SMCR8: variants seen among roughly 807,000 people sequenced by gnomAD.
SMCR8 encodes the protein guanine nucleotide exchange protein SMCR8.
A neutral mutation model predicts 56.6 loss-of-function variants in SMCR8; 30 were observed. The observed-to-expected ratio is 0.53, with a 90% CI of 0.40 to 0.72. The LOEUF (loss-of-function observed/expected upper bound fraction) is 0.72. SMCR8 is among the 30% of genes least tolerant of loss of function. The pLI, the probability that SMCR8 is intolerant of heterozygous loss-of-function variation, is 0.00. For synonymous variants in SMCR8, 538 were observed against 456.0 expected (o/e 1.18, Z -2.29); for missense variants, 1,198 against 1,157.0 (o/e 1.04, Z -0.51).
intron 1 of SMCR8, 132 bp from the exon 2 acceptor site, chr17:18,322,477 CAGATTTGT>C: frequency 2.8e-6 from 2 of 707,492 alleles, no homozygotes; most frequent in Non-Finnish European, 4.7e-6. Flanking sequence ...TTACAATGAT[CAGATTTGT>C]CTTCCAGGAA....
At position 18,323,020 on chromosome 17, in the gene SMCR8, C is replaced by A. The variant is rs757058177; in HGVS notation, c.2764C>A (p.His922Asn). 9.9e-6 allele frequency: 16 copies of A among 1,614,172 alleles called. No individual in the cohort carries two copies. The highest frequency in any genetic ancestry group is 1.4e-5 in the Non-Finnish European group (16 of 1,180,026). ...CATGCAGGAATCTCCAGGGACCAGC[C>A]ACCCCATGCTCAGGTTTGACTATGT... ...HYMQESPGTS[H>N]PMLRFDYVPS... Residue 922 changes from histidine to asparagine, a missense_variant, in exon 2 of 2, where the codon CAC (histidine) becomes AAC (asparagine). Transcript: ENST00000406438.
chr17:18,322,578 C>CCCTTGCCCTTCCTCCTGA (rs1241532780), intron 1 of SMCR8, 39 bp from the exon 2 acceptor site: 1 of 1,588,926 alleles, frequency 6.3e-7, no homozygotes, highest in Non-Finnish European at 8.6e-7. Context: ...ACTTTCCCGG[C>CCCTTGCCCTTCCTCCTGA]CCTTGCCCTT....
At chr17:18,319,295 T>A (rs1177771959) in intron 1 of SMCR8, among the ~76,000 whole-genome samples, 1 of 152,150 alleles carries the variant, frequency 6.6e-6, no homozygotes, top group Non-Finnish European at 1.5e-5. Flanking sequence ...GGTCCACGTT[T>A]AGTGCATGTC....
rs34824853 is a variant in SMCR8, at chr17:18,316,428, G to A, written c.639G>A (p.Thr213=). 0.068 allele frequency: 110,451 copies of A among 1,614,036 alleles called. 4,327 individuals carry two copies. The highest frequency in any genetic ancestry group is 0.08 in the Non-Finnish European group (93,872 of 1,179,994). Residue 213 remains threonine, a synonymous_variant, in exon 1 of 2, where the codon ACG becomes ACA. Transcript: ENST00000406438. ...DYTRTVLHTE[T]EIQKKANDKG... ...CCAGGACAGTGCTACACACAGAAAC[G>A]GAGATCCAGAAGAAAGCCAACGACA...
chr17:18,322,964 A>C lies in SMCR8; in HGVS notation c.2708A>C (p.Gln903Pro). The change falls in exon 2 of 2, where the codon CAG becomes CCG. Residue 903 changes from glutamine to proline, a missense_variant. Physicochemically the swap from Gln to Pro is moderately conservative, Grantham distance 76. Coordinates refer to ENST00000406438, the MANE Select transcript of SMCR8 (RefSeq NM_144775.3). ...GTGAATGAGGATGTTAGGGTGGTCC[A>C]GTACCTGGCTGAGCTGCTGAAGCTG... ...GLVNEDVRVV[Q>P]YLAELLKLHY... 1 of 1,614,248 alleles carries C rather than the reference A, an allele frequency of 6.2e-7. No individual in the cohort carries two copies. The highest frequency in any genetic ancestry group is 1.1e-5 in the South Asian group (1 of 91,082).
rs1489070678 is a variant in SMCR8, at chr17:18,324,655, G to C, written c.*1585G>C. 6.6e-6 allele frequency: 1 copy of C among 152,302 alleles called. No homozygotes were observed. Among genetic ancestry groups the C allele is most frequent in the Non-Finnish European group, 1.5e-5 (1 of 68,080 alleles). 9.4% of individuals were successfully genotyped at this position (152,302 alleles called of 1,614,324 possible). Reference sequence around the variant, plus strand: ...GGCAGAGACCCCTGGTGGAAGCCAAGAGTGACCGAAGAGGGCTTGCATCAC... The same window carrying C: ...GGCAGAGACCCCTGGTGGAAGCCAACAGTGACCGAAGAGGGCTTGCATCAC... On this transcript the variant is annotated 3_prime_UTR_variant, in exon 2 of 2. Coordinates refer to ENST00000406438, the MANE Select transcript of SMCR8 (RefSeq NM_144775.3).
Position 18,322,971 on chromosome 17 carries a change from G to A in SMCR8, c.2715G>A (p.Leu905=), listed in dbSNP as rs1401751019. 1.2e-6 allele frequency: 2 copies of A among 1,614,224 alleles called. No individual in the cohort carries two copies. Among genetic ancestry groups the A allele is most frequent in the Admixed American group, 1.7e-5 (1 of 60,036 alleles). Reference sequence around the variant, plus strand: ...AGGATGTTAGGGTGGTCCAGTACCTGGCTGAGCTGCTGAAGCTGCACTACA... The same window carrying A: ...AGGATGTTAGGGTGGTCCAGTACCTAGCTGAGCTGCTGAAGCTGCACTACA... ...VNEDVRVVQY[L]AELLKLHYMQ... Residue 905 remains leucine, a synonymous_variant, in exon 2 of 2, where the codon CTG becomes CTA. Coordinates refer to ENST00000406438, the MANE Select transcript of SMCR8 (RefSeq NM_144775.3).
In SMCR8 at chr17:18,327,057, C is replaced by G. The variant is rs1982681472; in HGVS notation, c.*3987C>G. ...AAAACTGTGATGGAACATAATAAAA[C>G]TGGAGATATGGTTTTTAACACTGCA... is the stretch of plus-strand genomic sequence containing the variant. On this transcript the variant is annotated 3_prime_UTR_variant, in exon 2 of 2. Coordinates refer to ENST00000406438, the MANE Select transcript of SMCR8 (RefSeq NM_144775.3). 6.6e-6 allele frequency: 1 copy of G among 152,478 alleles called. No homozygotes were observed. Among genetic ancestry groups the G allele is most frequent in the Admixed American group, 6.5e-5 (1 of 15,282 alleles). The allele number at this position is 152,478 out of a possible 1,614,324, so 9.4% of individuals were successfully genotyped here.
chr17:18,318,887 C>CT (rs1444555978), intron 1 of SMCR8, among the ~76,000 whole-genome samples: 5 of 152,356 alleles, frequency 3.3e-5, no homozygotes, highest in Admixed American at 2.0e-4. Flanking sequence ...GGTTAGGCTG[C>CT]TGTCCCTGTA....
At position 18,322,851 on chromosome 17, in the gene SMCR8, C is replaced by CCACCTG; in HGVS notation, c.2603_2608dup (p.His868_Leu869dup). On this transcript the variant is annotated inframe_insertion, in exon 2 of 2. Coordinates refer to ENST00000406438, the MANE Select transcript of SMCR8 (RefSeq NM_144775.3). The stretch of plus-strand genomic sequence containing the variant: ...AGGCCTTCCTCTACACCTTCTGCCA[C>CCACCTG]CACCTGCACCTGCCTACCCACGACA... 6.2e-7 allele frequency: 1 copy of CCACCTG among 1,614,028 alleles called. No individual in the cohort carries two copies. Among genetic ancestry groups the CCACCTG allele is most frequent in the Non-Finnish European group, 8.5e-7 (1 of 1,179,878 alleles).
At chr17:18,321,720 T>C (rs1982503194) in intron 1 of SMCR8, among the ~76,000 whole-genome samples, 1 of 152,162 alleles carries the variant, frequency 6.6e-6, no homozygotes, top group Non-Finnish European at 1.5e-5. Flanking sequence ...TAGTACCAAA[T>C]ACTTGGGAGG....
Position 18,316,578 on chromosome 17 carries a change from G to GCAT in SMCR8, c.790_792dup (p.His264dup). On this transcript the variant is annotated inframe_insertion, in exon 1 of 2. Transcript: ENST00000406438. ...CATACCCTCATCGGAAGTTGAAGGG[G>GCAT]CATGATTTGTGTCCTGGTGAGATGG... 6.2e-7 allele frequency: 1 copy of GCAT among 1,614,200 alleles called. No individual in the cohort carries two copies. Among genetic ancestry groups the GCAT allele is most frequent in the Non-Finnish European group, 8.5e-7 (1 of 1,180,042 alleles).
In SMCR8 at chr17:18,326,216, A is replaced by G. The variant is rs1478240969; in HGVS notation, c.*3146A>G. 1 of 152,182 alleles carries G rather than the reference A, an allele frequency of 6.6e-6. No homozygotes were observed. The highest frequency in any genetic ancestry group is 1.5e-5 in the Non-Finnish European group (1 of 68,038). 9.4% of individuals were successfully genotyped at this position (152,182 alleles called of 1,614,324 possible). On this transcript the variant is annotated 3_prime_UTR_variant, in exon 2 of 2. Coordinates refer to ENST00000406438, the MANE Select transcript of SMCR8 (RefSeq NM_144775.3). ...TCACTATTGCTTTGAGGGCCCAGGT[A>G]CTGAAACTGGTTGTCTTGAGTTTTG...
At position 18,317,247 on chromosome 17, in the gene SMCR8, A is replaced by G; in HGVS notation, c.1458A>G (p.Lys486=). 6.2e-7 allele frequency: 1 copy of G among 1,614,118 alleles called. No homozygotes were observed. The change falls in exon 1 of 2, where the codon AAA becomes AAG. Residue 486 remains lysine, a synonymous_variant. Coordinates refer to ENST00000406438, the MANE Select transcript of SMCR8 (RefSeq NM_144775.3). ...GTEKSTSVLS[K]SDSQASLTVP... is the part of the protein sequence containing the mutation. ...AGAAATCCACCTCCGTGCTTTCTAA[A>G]TCTGACAGCCAGGCAAGCCTCACAG... is the stretch of plus-strand genomic sequence containing the variant.
chr17:18,317,598 C>A lies in SMCR8; in HGVS notation c.1809C>A (p.His603Gln), dbSNP rs906322555. 2.5e-6 allele frequency: 4 copies of A among 1,614,180 alleles called. No individual in the cohort carries two copies. The South Asian group carries it at 4.4e-5, about 18-fold the overall frequency. Residue 603 changes from histidine (H) to glutamine (Q), a missense_variant, in exon 1 of 2, where the codon CAC becomes CAA. His to Gln is a conservative substitution (Grantham distance 24). Transcript: ENST00000406438. ...TGGTGCTGCCCTCCACTCCAGCCCA[C>A]ACACACTCTGACGAGGATGGGGTGG... ...GQLVLPSTPA[H>Q]THSDEDGVVS...
Position 18,322,917 on chromosome 17 carries a change from C to T in SMCR8, c.2661C>T (p.Phe887=), listed in dbSNP as rs1982544954. The T allele has an allele frequency of 4.3e-6, 7 of 1,614,208 alleles. No individual in the cohort carries two copies. Among genetic ancestry groups the T allele is most frequent in the Middle Eastern group, 1.6e-4 (1 of 6,062 alleles). Residue 887 remains phenylalanine, a synonymous_variant, in exon 2 of 2, where the codon TTC becomes TTT. Transcript: ENST00000406438. Reference sequence around the variant, plus strand: ...TGGTAGCCAGCCGCCAGATGAGCTTCCTAAAGCTGACCCTGGGTCTGGTGA... The same window carrying T: ...TGGTAGCCAGCCGCCAGATGAGCTTTCTAAAGCTGACCCTGGGTCTGGTGA... ...EELVASRQMS[F]LKLTLGLVNE...
intron 1 of SMCR8, among the ~76,000 whole-genome samples, chr17:18,322,272 A>G (rs1982521567): frequency 6.6e-6 from 1 of 152,148 alleles, no homozygotes; most frequent in South Asian, 2.1e-4. Context: ...CGGCCTCCCA[A>G]AGTGCTGGGA....
chr17:18,317,211 T>C lies in SMCR8; in HGVS notation c.1422T>C (p.Val474=). Residue 474 remains valine, a synonymous_variant, in exon 1 of 2, where the codon GTT becomes GTC. Coordinates refer to ENST00000406438, the MANE Select transcript of SMCR8 (RefSeq NM_144775.3). ...TCAGCAGTGGTGAAAGTATTGAAGT[T>C]TTGGGCACGGAGAAATCCACCTCCG... ...GSISSGESIE[V]LGTEKSTSVL... is the part of the protein sequence containing the mutation. 1 of 1,614,048 alleles carries C rather than the reference T, an allele frequency of 6.2e-7. No homozygotes were observed. The highest frequency in any genetic ancestry group is 8.5e-7 in the Non-Finnish European group (1 of 1,180,000).
chr17:18,317,101 T>G lies in SMCR8; in HGVS notation c.1312T>G (p.Tyr438Asp), dbSNP rs767972457. The change falls in exon 1 of 2, where the codon TAC becomes GAC. Residue 438 changes from tyrosine (Y) to aspartate (D), a missense_variant. Physicochemically the swap from Tyr to Asp is radical, Grantham distance 160 (BLOSUM62 -3). Transcript: ENST00000406438. ...KMEQELGDEE[Y>D]KEVEVTELSS... ...GGAGCAGGAACTGGGAGATGAGGAG[T>G]ACAAGGAAGTGGAAGTGACTGAGTT... is the stretch of plus-strand genomic sequence containing the variant. The G allele has an allele frequency of 1.2e-6, 2 of 1,613,834 alleles. No individual in the cohort carries two copies. Among genetic ancestry groups the G allele is most frequent in the South Asian group, 2.2e-5 (2 of 91,076 alleles).
Sources: allele counts gnomAD v4.1 joint callset (sites outside exome capture counted in the v4.1 genomes callset), GRCh38; gene constraint gnomAD v4.1.1; transcripts MANE v1.5; gene names NCBI Gene and HGNC (gene_info 2026-07-23, HGNC 2026-07-21).